Variants in MIGA2 observed in about 807,000 individuals in gnomAD.
MIGA2 encodes the protein family with sequence similarity 73, member B.
Under a neutral mutation model 69.9 loss-of-function variants are expected in MIGA2, and 36 were observed. The ratio of observed to expected loss-of-function variants is 0.52; its 90% confidence interval spans 0.39 to 0.68. The LOEUF is 0.68. MIGA2 is among the 30% of genes least tolerant of loss of function. MIGA2 has a pLI of 0.00. For missense variants in MIGA2, 660 were observed against 787.7 expected, an observed-to-expected ratio of 0.84 and a Z score of 1.94; for synonymous variants, 333 against 349.2, an observed-to-expected ratio of 0.95 and a Z score of 0.52.
In MIGA2 at chr9:129,049,916, A is replaced by G. The variant is rs1265517541; in HGVS notation, c.628A>G (p.Arg210Gly). Residue 210 changes from arginine (R) to glycine (G), a missense_variant, in exon 6 of 16, where the codon AGG becomes GGG. This residue lies in a region of MIGA2 where 386 missense variants were observed against 402.0 expected (regional missense o/e 0.96). Transcript: ENST00000684074. ...RGDSGSTPMPRDGLRNPETAS... is the reference protein window; with the variant it reads ...RGDSGSTPMPGDGLRNPETAS... ...GGACAGCGGCAGCACCCCCATGCCC[A>G]GGGACGGCCTCCGGAACCCAGAGAC... 1 of 1,613,664 alleles carries G rather than the reference A, an allele frequency of 6.2e-7. No homozygotes were observed. Among genetic ancestry groups the G allele is most frequent in the Non-Finnish European group, 8.5e-7 (1 of 1,179,998 alleles).
At position 129,061,318 on chromosome 9, in the gene MIGA2, G is replaced by C; in HGVS notation, c.982G>C (p.Glu328Gln). The C allele has an allele frequency of 6.2e-7, 1 of 1,610,068 alleles. No homozygotes were observed. Among genetic ancestry groups the C allele is most frequent in the Non-Finnish European group, 8.5e-7 (1 of 1,178,152 alleles). ...AYEEALQLVK[E>Q]GRVPCRTLRT... is the part of the protein sequence containing the mutation. ...TGAGGAGGCCCTGCAGCTGGTGAAG[G>C]AGGGGAGAGTGCCTTGCCGGACCCT... Residue 328 changes from glutamate (E) to glutamine (Q), a missense_variant, in exon 9 of 16, where the codon GAG (glutamate) becomes CAG (glutamine). Coordinates refer to ENST00000684074, the MANE Select transcript of MIGA2 (RefSeq NM_001329990.2). The surrounding 1 kb of genome is among the most constrained non-coding windows in gnomAD (Gnocchi z 5.0).
At position 129,042,454 on chromosome 9, in the gene MIGA2, C is replaced by G; in HGVS notation, c.247C>G (p.Gln83Glu). The G allele has an allele frequency of 6.2e-7, 1 of 1,608,864 alleles. No homozygotes were observed. Among genetic ancestry groups the G allele is most frequent in the East Asian group, 2.2e-5 (1 of 44,712 alleles). The change falls in exon 3 of 16, where the codon CAG (glutamine) becomes GAG (glutamate). Residue 83 changes from glutamine (Q) to glutamate (E), a missense_variant. By Grantham distance (29) the Gln-to-Glu change is conservative. Transcript: ENST00000684074. ...GGTTGGTCCCGAGATGGGAGGGGAG[C>G]AGCTGGGCACGGTGCCCCTCCCTAT... is the stretch of plus-strand genomic sequence containing the variant. The part of the protein sequence containing the change: ...KQVGPEMGGE[Q>E]LGTVPLPILL...
chr9:129,068,919 C>G lies in MIGA2; in HGVS notation c.1405-157C>G. 1 of 770,080 alleles carries G rather than the reference C, an allele frequency of 1.3e-6. No individual in the cohort carries two copies. Among genetic ancestry groups the G allele is most frequent in the Non-Finnish European group, 2.2e-6 (1 of 447,216 alleles). 47.7% of individuals were successfully genotyped at this position (770,080 alleles called of 1,614,324 possible). A position where few individuals can be genotyped will look rare whatever the true frequency, so the allele number is the denominator to read the frequency against. On this transcript the variant is annotated intron_variant, in intron 13 of 15. Transcript: ENST00000684074. This position sits in a 1 kb window ranked among gnomAD's most constrained non-coding sequence, Gnocchi z 4.1. ...GTTTAGGTATGTCTGAGTCCAAAAT[C>G]AGAGGAGGAAGCAGCAGAGCTTAGG...
chr9:129,055,108 C>T (rs1387026251), intron 6 of MIGA2, among the ~76,000 whole-genome samples: 20 of 146,210 alleles, frequency 1.4e-4, no homozygotes, highest in Admixed American at 1.2e-3. Context: ...GATGGAGTCT[C>T]GCTCTGTCGC....
intron 11 of MIGA2, among the ~76,000 whole-genome samples, chr9:129,066,935 T>TAGGTGACAGA (rs1488116575): frequency 1.8e-5 from 2 of 108,406 alleles, no homozygotes; most frequent in East Asian, 2.8e-4. Flanking sequence ...CATTCCAGCC[T>TAGGTGACAGA]GCCAATAGAG....
Position 129,061,404 on chromosome 9 carries a change from C to T in MIGA2, c.1010+58C>T. 6.7e-7 allele frequency: 1 copy of T among 1,486,080 alleles called. No individual in the cohort carries two copies. The highest frequency in any genetic ancestry group is 2.3e-4 in the Middle Eastern group (1 of 4,298). The allele number at this position is 1,486,080 out of a possible 1,614,324, so 92.1% of individuals were successfully genotyped here. A position where few individuals can be genotyped will look rare whatever the true frequency, so the allele number is the denominator to read the frequency against. ...CAGGAGGCGATGGGTGATTCTGGCC[C>T]TTGCGGGAGGCGGAGAAGCCAGCGG... is the stretch of plus-strand genomic sequence containing the variant. On this transcript the variant is annotated intron_variant, in intron 9 of 15. Transcript: ENST00000684074. This position sits in a 1 kb window ranked among gnomAD's most constrained non-coding sequence, Gnocchi z 5.0.
In MIGA2 at chr9:129,048,349, G is replaced by C. The variant is rs1040680220; in HGVS notation, c.308-78G>C. ...ATTCCCAGATGAGGAAGAAGGGGAA[G>C]GTGGTCCAGAGTGGGGGCAGCCCGT... On this transcript the variant is annotated intron_variant, in intron 3 of 15. Coordinates refer to ENST00000684074, the MANE Select transcript of MIGA2 (RefSeq NM_001329990.2). The C allele has an allele frequency of 1.1e-4, 121 of 1,140,760 alleles. No homozygotes were observed. The Admixed American group carries it at 2.0e-3, about 19-fold the overall frequency. 70.7% of individuals were successfully genotyped at this position (1,140,760 alleles called of 1,614,324 possible).
At chr9:129,055,629 C>G (rs1040489323) in intron 6 of MIGA2, among the ~76,000 whole-genome samples, 2 of 151,934 alleles carry the variant, frequency 1.3e-5, no homozygotes, top group Non-Finnish European at 2.9e-5. Context: ...GGTGGGCGAT[C>G]ACGAGGTCAG....
Position 129,059,020 on chromosome 9 carries a change from T to G in MIGA2, c.676-134T>G. The G allele has an allele frequency of 2.9e-6, 2 of 694,458 alleles. No homozygotes were observed. The highest frequency in any genetic ancestry group is 1.8e-5 in the African/African-American group (1 of 55,680). 43.0% of individuals were successfully genotyped at this position (694,458 alleles called of 1,614,324 possible). ...GTGGCTCCTCTATCGAGCAGTGAAG[T>G]TTTGGAGTTTATGTGCTTAGCTGCT... is the stretch of plus-strand genomic sequence containing the variant. On this transcript the variant is annotated intron_variant, in intron 6 of 15. Coordinates refer to ENST00000684074, the MANE Select transcript of MIGA2 (RefSeq NM_001329990.2). This position sits in a 1 kb window ranked among gnomAD's most constrained non-coding sequence, Gnocchi z 5.6.
At chr9:129,056,964 T>C (rs1845829472) in intron 6 of MIGA2, among the ~76,000 whole-genome samples, 1 of 151,532 alleles carries the variant, frequency 6.6e-6, no homozygotes, top group Non-Finnish European at 1.5e-5. Context: ...AACCTGGGAG[T>C]TGGAAGTTGC....
intron 6 of MIGA2, among the ~76,000 whole-genome samples, chr9:129,055,589 G>A (rs1172927670): frequency 2.0e-5 from 3 of 151,988 alleles, no homozygotes; most frequent in Admixed American, 6.6e-5. Flanking sequence ...GGTGGCTCAC[G>A]CCTGTAATCC....
At chr9:129,046,924 G>A (rs1023051569) in intron 3 of MIGA2, among the ~76,000 whole-genome samples, 2 of 151,400 alleles carry the variant, frequency 1.3e-5, no homozygotes, top group Non-Finnish European at 2.9e-5. Context: ...GATTACAGGC[G>A]TGTGCCACCA....
At chr9:129,052,405 G>A (rs961948644) in intron 6 of MIGA2, among the ~76,000 whole-genome samples, 8 of 151,804 alleles carry the variant, frequency 5.3e-5, no homozygotes, top group African/African-American at 7.3e-5. Context: ...TTACAGGCTT[G>A]AGCCACCACA....
Position 129,042,344 on chromosome 9 carries a change from A to T in MIGA2, c.137A>T (p.Lys46Ile), listed in dbSNP as rs1392539064. 6.2e-7 allele frequency: 1 copy of T among 1,613,004 alleles called. No individual in the cohort carries two copies. The highest frequency in any genetic ancestry group is 2.2e-5 in the East Asian group (1 of 44,896). The stretch of plus-strand genomic sequence containing the variant: ...CTACGGTTGACGCCAGGCCTGCGGA[A>T]AGTCCTCTTTGCCACGGCCCTGGGG... ...SQLRLTPGLR[K>I]VLFATALGTV... Residue 46 changes from lysine to isoleucine, a missense_variant, in exon 3 of 16, where the codon AAA (lysine) becomes ATA (isoleucine). By Grantham distance (102) the Lys-to-Ile change is moderately radical (BLOSUM62 -3). This residue lies in a region of MIGA2 where 54 missense variants were observed against 84.0 expected (regional missense o/e 0.64). Transcript: ENST00000684074.
chr9:129,044,994 T>TC (rs1845135714), intron 3 of MIGA2, among the ~76,000 whole-genome samples: 1 of 149,800 alleles, frequency 6.7e-6, no homozygotes, highest in Admixed American at 6.7e-5. Flanking sequence ...GGTCAGGAGT[T>TC]TGAGACCAGC....
intron 11 of MIGA2, among the ~76,000 whole-genome samples, chr9:129,064,375 T>G (rs1403376086): frequency 6.6e-6 from 1 of 151,876 alleles, no homozygotes; most frequent in Admixed American, 6.6e-5. Flanking sequence ...CCCGGCTAAT[T>G]TTTTTGTATT....
At chr9:129,038,984 G>C (rs1159962653) in intron 1 of MIGA2, among the ~76,000 whole-genome samples, 1 of 151,100 alleles carries the variant, frequency 6.6e-6, no homozygotes, top group Non-Finnish European at 1.5e-5. Context: ...TAGTAGAGAC[G>C]GGGTTTCACC....
intron 6 of MIGA2, among the ~76,000 whole-genome samples, chr9:129,052,504 C>T (rs149969118): frequency 1.2e-4 from 18 of 150,608 alleles, no homozygotes; most frequent in African/African-American, 2.4e-4. Context: ...TGGCCAGGCA[C>T]GGTGCCTCAC....
rs969850074 is a variant in MIGA2 at position 129,068,924 on chromosome 9, G to A, written c.1405-152G>A. 1.3e-6 allele frequency: 1 copy of A among 788,298 alleles called. No individual in the cohort carries two copies. The highest frequency in any genetic ancestry group is 2.5e-5 in the East Asian group (1 of 40,816). 48.8% of individuals were successfully genotyped at this position (788,298 alleles called of 1,614,324 possible). ...GGTATGTCTGAGTCCAAAATCAGAG[G>A]AGGAAGCAGCAGAGCTTAGGCACCT... On this transcript the variant is annotated intron_variant, in intron 13 of 15. Transcript: ENST00000684074. This position sits in a 1 kb window ranked among gnomAD's most constrained non-coding sequence, Gnocchi z 4.1.
Sources: allele counts gnomAD v4.1 joint callset (sites outside exome capture counted in the v4.1 genomes callset), GRCh38; gene constraint gnomAD v4.1.1; regional missense constraint gnomAD v4.1.1; non-coding constraint Gnocchi (gnomAD v3.1); transcripts MANE v1.5; gene names NCBI Gene and HGNC (gene_info 2026-07-23, HGNC 2026-07-21).